Variants in CNNM3 observed in about 807,000 individuals in gnomAD.
CNNM3 encodes the protein metal transporter CNNM3.
Under a neutral mutation model 57.1 loss-of-function variants are expected in CNNM3, and 47 were observed. That is an observed-to-expected ratio of 0.82 (90% CI 0.65 to 1.05). CNNM3 has a LOEUF of 1.05. Ranked by LOEUF, CNNM3 falls within the 50% of genes least tolerant of loss-of-function variation. CNNM3 has a pLI of 0.00. For synonymous variants in CNNM3, 507 were observed against 478.2 expected (o/e 1.06, Z -0.79); for missense variants, 957 against 973.7 (o/e 0.98, Z 0.23).
At chr2:96,829,959 G>A (rs1007005558) in intron 7 of CNNM3, among the ~76,000 whole-genome samples, 3 of 152,148 alleles carry the variant, frequency 2.0e-5, no homozygotes, top group African/African-American at 7.2e-5. Flanking sequence ...GGCCCATCCA[G>A]TGCTCCACTG....
Position 96,825,041 on chromosome 2 carries a change from G to T in CNNM3, c.1226-17G>T, listed in dbSNP as rs1281544635. 1 of 1,611,928 alleles carries T rather than the reference G, an allele frequency of 6.2e-7. No homozygotes were observed. Among genetic ancestry groups the T allele is most frequent in the Non-Finnish European group, 8.5e-7 (1 of 1,179,836 alleles). ...GGGGGCCCAGCAAGCTGTTCCATGA[G>T]TGTCCTCCCCCCACAGGGAAGTCCC... On this transcript the variant is annotated splice_polypyrimidine_tract_variant and intron_variant, in intron 1 of 7. Coordinates refer to ENST00000305510, the MANE Select transcript of CNNM3 (RefSeq NM_017623.5).
Position 96,829,100 on chromosome 2 carries a change from C to T in CNNM3, c.2025C>T (p.Thr675=), listed in dbSNP as rs1342749369. 1.2e-6 allele frequency: 2 copies of T among 1,613,870 alleles called. No individual in the cohort carries two copies. Among genetic ancestry groups the T allele is most frequent in the Non-Finnish European group, 1.7e-6 (2 of 1,179,998 alleles). ...TDLQVIPGSQ[T]RLLGEKTTTA... is the part of the protein sequence containing the mutation. ...TGCAGGTTATTCCAGGCAGCCAGACCAGGCTCCTTGGTGAGAAGACCACCA... is the reference window on the plus strand; with the variant it reads ...TGCAGGTTATTCCAGGCAGCCAGACTAGGCTCCTTGGTGAGAAGACCACCA... Residue 675 remains threonine, a synonymous_variant, in exon 7 of 8, where the codon ACC becomes ACT. Transcript: ENST00000305510.
At chr2:96,826,724 G>T in intron 2 of CNNM3, 109 bp from the exon 3 acceptor site, 1 of 1,342,256 alleles carries the variant, frequency 7.5e-7, no homozygotes, top group Non-Finnish European at 1.0e-6. Context: ...CTGCTCCATC[G>T]AGGACCCCCT....
In CNNM3 at chr2:96,828,204, C is replaced by T. The variant is rs937046606; in HGVS notation, c.1786+9C>T. 13 of 1,610,218 alleles carry T rather than the reference C, an allele frequency of 8.1e-6. No individual in the cohort carries two copies. The highest frequency in any genetic ancestry group is 2.7e-5 in the African/African-American group (2 of 74,796). On this transcript the variant is annotated intron_variant, in intron 5 of 7. Coordinates refer to ENST00000305510, the MANE Select transcript of CNNM3 (RefSeq NM_017623.5). ...AACTGTGCCATCCTCGGGTAAGCCA[C>T]GGCCCTGCTGATGCTGAGGGCCAGG...
At chr2:96,822,703 A>G (rs1017953636) in intron 1 of CNNM3, among the ~76,000 whole-genome samples, 2 of 152,250 alleles carry the variant, frequency 1.3e-5, no homozygotes, top group Non-Finnish European at 2.9e-5. Context: ...ACCAGCTCCA[A>G]CAGCAGTGAG....
chr2:96,822,746 A>G (rs956831749), intron 1 of CNNM3, among the ~76,000 whole-genome samples: 4 of 152,258 alleles, frequency 2.6e-5, no homozygotes, highest in Non-Finnish European at 5.9e-5. Context: ...TCTTTCTCAC[A>G]GTATTCATTC....
intron 1 of CNNM3, among the ~76,000 whole-genome samples, chr2:96,818,639 C>T (rs775351380): frequency 2.0e-5 from 3 of 152,138 alleles, no homozygotes; most frequent in East Asian, 1.9e-4. Flanking sequence ...CTGAGCAGTT[C>T]GGAGATTGAA....
At position 96,816,657 on chromosome 2, in the gene CNNM3, C is replaced by T. The variant is rs2079323275; in HGVS notation, c.380C>T (p.Ala127Val). Residue 127 changes from alanine (A) to valine (V), a missense_variant, in exon 1 of 8, where the codon GCG becomes GTG. Ala to Val is a moderately conservative substitution (Grantham distance 64). Coordinates refer to ENST00000305510, the MANE Select transcript of CNNM3 (RefSeq NM_017623.5). ...LAVRVEPGGG[A>V]AEEAAPPWAL... Reference sequence around the variant, plus strand: ...GTGCGCGTGGAGCCGGGTGGCGGGGCGGCTGAGGAGGCGGCGCCGCCCTGG... The same window carrying T: ...GTGCGCGTGGAGCCGGGTGGCGGGGTGGCTGAGGAGGCGGCGCCGCCCTGG... The T allele has an allele frequency of 1.0e-5, 11 of 1,064,556 alleles. No individual in the cohort carries two copies. The highest frequency in any genetic ancestry group is 1.2e-5 in the Non-Finnish European group (11 of 883,318). 65.9% of individuals were successfully genotyped at this position (1,064,556 alleles called of 1,614,324 possible). A position where few individuals can be genotyped will look rare whatever the true frequency, so the allele number is the denominator to read the frequency against.
In CNNM3 at chr2:96,832,570, C is replaced by A. The variant is rs756870048; in HGVS notation, c.2078C>A (p.Pro693His). 1.4e-5 allele frequency: 23 copies of A among 1,614,022 alleles called. No homozygotes were observed. In the East Asian group the frequency reaches 4.9e-4, roughly 34 times the overall value. Residue 693 changes from proline to histidine, a missense_variant, in exon 8 of 8, where the codon CCC becomes CAC. Pro to His is a moderately conservative substitution (Grantham distance 77). This residue lies in a region of CNNM3 where 491 missense variants were observed against 570.6 expected (regional missense o/e 0.86). Coordinates refer to ENST00000305510, the MANE Select transcript of CNNM3 (RefSeq NM_017623.5). ...TTAAGSSHSR[P>H]GVPVEGSPGR... ...CCTGTAGGGTCCAGCCACAGCAGGCCCGGCGTCCCGGTGGAAGGCAGCCCT... is the reference window on the plus strand; with the variant it reads ...CCTGTAGGGTCCAGCCACAGCAGGCACGGCGTCCCGGTGGAAGGCAGCCCT...
At chr2:96,817,571 T>TA (rs1283042365) in intron 1 of CNNM3, 69 bp downstream of exon 1, 19 of 1,469,452 alleles carry the variant, frequency 1.3e-5, no homozygotes, top group Non-Finnish European at 1.7e-5. Flanking sequence ...GGTGGAGAGT[T>TA]ATGGAAGCCT....
At chr2:96,825,230 T>C (rs1487001873) in intron 2 of CNNM3, 29 bp downstream of exon 2, 1 of 1,612,480 alleles carries the variant, frequency 6.2e-7, no homozygotes, top group East Asian at 2.2e-5. Context: ...CAGTTCTGTC[T>C]CCGCTGGGCC....
rs778221126 is a variant in CNNM3, at chr2:96,817,423, C to T, written c.1146C>T (p.Ile382=). ...DPEDCTPLST[I]TRFYNHPLHF... ...AAGACTGCACGCCGCTCAGCACCAT[C>T]ACTCGTTTCTACAACCATCCGCTCC... is the stretch of plus-strand genomic sequence containing the variant. Residue 382 remains isoleucine, a synonymous_variant, in exon 1 of 8, where the codon ATC becomes ATT. Coordinates refer to ENST00000305510, the MANE Select transcript of CNNM3 (RefSeq NM_017623.5). 1 of 1,614,152 alleles carries T rather than the reference C, an allele frequency of 6.2e-7. No homozygotes were observed.
intron 6 of CNNM3, 31 bp downstream of exon 6, chr2:96,828,731 C>T (rs2079553271): frequency 6.2e-7 from 1 of 1,612,646 alleles, no homozygotes; most frequent in Non-Finnish European, 8.5e-7. Context: ...TGGGTGCTGG[C>T]TTTAGCCGAC....
Position 96,827,265 on chromosome 2 carries a change from C to CT in CNNM3, c.1519+302dup, listed in dbSNP as rs373030542. Among the ~76,000 whole-genome samples, 1,244 of 134,752 alleles carry CT rather than the reference C, an allele frequency of 9.2e-3. 12 individuals carry two copies. Among genetic ancestry groups the CT allele is most frequent in the Admixed American group, 0.02 (264 of 13,406 alleles). 88.4% of individuals were successfully genotyped at this position (134,752 alleles called of 152,430 possible). A position where few individuals can be genotyped will look rare whatever the true frequency, so the allele number is the denominator to read the frequency against. ...CGGATGTGGGGTGCCCTGCCCAGTT[C>CT]TTTTTTTTTTTTTTTTTTTAAAGAT... On this transcript the variant is annotated intron_variant, in intron 3 of 7. Coordinates refer to ENST00000305510, the MANE Select transcript of CNNM3 (RefSeq NM_017623.5).
chr2:96,827,017 C>T, intron 3 of CNNM3, 35 bp downstream of exon 3: 1 of 1,604,234 alleles, frequency 6.2e-7, no homozygotes, highest in Non-Finnish European at 8.5e-7. Context: ...CCCCTGCTCT[C>T]CTCACCGTTC....
chr2:96,835,573 A>G (rs551113761), downstream of CNNM3, among the ~76,000 whole-genome samples: 24 of 148,448 alleles, frequency 1.6e-4, no homozygotes, highest in East Asian at 4.2e-3. Context: ...GGTTCATGCC[A>G]TTCTCCTGCC....
At chr2:96,819,799 A>T (rs992556225) in intron 1 of CNNM3, among the ~76,000 whole-genome samples, 2 of 152,172 alleles carry the variant, frequency 1.3e-5, no homozygotes, top group African/African-American at 4.8e-5. Flanking sequence ...AACTAAAGGC[A>T]ACTTCTGTAG....
At chr2:96,820,852 A>G (rs955068984) in intron 1 of CNNM3, among the ~76,000 whole-genome samples, 24 of 152,174 alleles carry the variant, frequency 1.6e-4, no homozygotes, top group Non-Finnish European at 2.4e-4. Context: ...GGGCAAGTCC[A>G]GTAGGTTCAG....
rs570214161 is a variant in CNNM3, at chr2:96,833,419, C to T, written c.*803C>T. 5.0e-6 allele frequency: 1 copy of T among 198,202 alleles called. No homozygotes were observed. The highest frequency in any genetic ancestry group is 8.4e-5 in the South Asian group (1 of 11,848). The allele number at this position is 198,202 out of a possible 1,614,324, so 12.3% of individuals were successfully genotyped here. A position where few individuals can be genotyped will look rare whatever the true frequency, so the allele number is the denominator to read the frequency against. On this transcript the variant is annotated 3_prime_UTR_variant, in exon 8 of 8. Coordinates refer to ENST00000305510, the MANE Select transcript of CNNM3 (RefSeq NM_017623.5). ...ATCGAATCCTCTCTCCGCCGTGTGG[C>T]CCCCAGGAGAGTAGCTGCCTGTTGC... is the stretch of plus-strand genomic sequence containing the variant.
Sources: allele counts gnomAD v4.1 joint callset (sites outside exome capture counted in the v4.1 genomes callset), GRCh38; gene constraint gnomAD v4.1.1; regional missense constraint gnomAD v4.1.1; transcripts MANE v1.5; gene names NCBI Gene and HGNC (gene_info 2026-07-23, HGNC 2026-07-21).